PPP1R42: variants seen among roughly 807,000 people sequenced by gnomAD.
The protein encoded by PPP1R42 is leucine rich repeat containing 67.
In PPP1R42, 34 loss-of-function variants were observed where a neutral mutation model predicts 31.0. That is an observed-to-expected ratio of 1.10 (90% confidence interval 0.83 to 1.46). PPP1R42 has a LOEUF of 1.46. PPP1R42 is among the 40% of genes most tolerant of loss of function. The pLI, the probability that PPP1R42 is intolerant of heterozygous loss-of-function variation, is 0.00. For synonymous variants in PPP1R42, 103 were observed against 109.8 expected (o/e 0.94, Z 0.39); for missense variants, 268 against 303.0 (o/e 0.88, Z 0.86).
intron 7 of PPP1R42, among the ~76,000 whole-genome samples, chr8:66,974,079 T>G (rs1585962635): frequency 6.6e-6 from 1 of 152,168 alleles, no homozygotes; most frequent in African/African-American, 2.4e-5. Flanking sequence ...AAATCCTGAT[T>G]TCAATTCTTT....
chr8:66,978,601 A>C (rs1300777676), intron 7 of PPP1R42, among the ~76,000 whole-genome samples: 2 of 152,162 alleles, frequency 1.3e-5, no homozygotes, highest in African/African-American at 4.8e-5. Context: ...TATTGTCAGT[A>C]GAGACAGGGT....
intron 5 of PPP1R42, among the ~76,000 whole-genome samples, chr8:66,995,129 T>G (rs1815297880): frequency 1.3e-5 from 2 of 152,162 alleles, no homozygotes; most frequent in African/African-American, 4.8e-5. Flanking sequence ...GTCAGTAGCT[T>G]TTGGACAATG....
chr8:66,982,854 C>A (rs1204266814), intron 6 of PPP1R42, among the ~76,000 whole-genome samples: 2 of 152,130 alleles, frequency 1.3e-5, no homozygotes, highest in Non-Finnish European at 2.9e-5. Context: ...TAGCTCACTG[C>A]AACCTCAAAA....
intron 5 of PPP1R42, among the ~76,000 whole-genome samples, chr8:67,003,256 T>C (rs1273258672): frequency 6.6e-6 from 1 of 151,166 alleles, no homozygotes; most frequent in Non-Finnish European, 1.5e-5. Flanking sequence ...TTTCTGTTCA[T>C]GATTTCTTTA....
At chr8:67,014,275 T>G in intron 3 of PPP1R42, 151 bp downstream of exon 3, 1 of 430,070 alleles carries the variant, frequency 2.3e-6, no homozygotes, top group Non-Finnish European at 4.0e-6. Flanking sequence ...AATCATATGG[T>G]TTTTTTTCAT....
chr8:67,014,933 A>T (rs1387514175), intron 2 of PPP1R42, among the ~76,000 whole-genome samples: 9 of 152,196 alleles, frequency 5.9e-5, no homozygotes, highest in Admixed American at 4.6e-4. Context: ...ATAGGGTTTA[A>T]TATTTCTGTA....
intron 2 of PPP1R42, among the ~76,000 whole-genome samples, chr8:67,015,986 C>T (rs1358230992): frequency 6.6e-6 from 1 of 152,156 alleles, no homozygotes; most frequent in East Asian, 1.9e-4. Flanking sequence ...TGGAGGAGCA[C>T]TGATTGATGT....
intron 5 of PPP1R42, among the ~76,000 whole-genome samples, chr8:67,008,233 T>C (rs532789787): frequency 6.6e-6 from 1 of 152,268 alleles, no homozygotes; most frequent in Admixed American, 6.5e-5. Context: ...GATATGTACA[T>C]TTAGGAAAAA....
intron 5 of PPP1R42, among the ~76,000 whole-genome samples, chr8:67,001,927 A>T (rs1326966574): frequency 1.3e-5 from 2 of 152,234 alleles, no homozygotes; most frequent in Non-Finnish European, 2.9e-5. Context: ...ACACTACTGC[A>T]CTACAGACTG....
At chr8:66,964,395 G>A in intron 7 of PPP1R42, 61 bp from the exon 8 acceptor site, 1 of 868,768 alleles carries the variant, frequency 1.2e-6, no homozygotes, top group South Asian at 1.7e-5. Flanking sequence ...ATCCCTAAAA[G>A]GTAGCAAACA....
chr8:66,966,601 C>T (rs1438061564), intron 7 of PPP1R42, among the ~76,000 whole-genome samples: 2 of 151,960 alleles, frequency 1.3e-5, no homozygotes, highest in Admixed American at 6.6e-5. Context: ...CTGGCTAACA[C>T]GGTGAAATCC....
chr8:67,024,434 T>C (rs1312518312), intron 1 of PPP1R42, among the ~76,000 whole-genome samples: 1 of 151,160 alleles, frequency 6.6e-6, no homozygotes, highest in Admixed American at 6.6e-5. Flanking sequence ...CACCTCAGTC[T>C]CCCGAGTAGC....
chr8:67,010,093 T>C (rs551616937), intron 5 of PPP1R42, among the ~76,000 whole-genome samples: 1 of 152,240 alleles, frequency 6.6e-6, no homozygotes, highest in Non-Finnish European at 1.5e-5. Context: ...AAAAACAGTA[T>C]CATATTGTAG....
chr8:66,964,328 G>T lies in PPP1R42; in HGVS notation c.809C>A (p.Ser270Tyr). ...GCAAGCTTTCAGATTGCTTCAAAGA[G>T]AGATTCCTGTATTTATAGAGAGGGA... ...EDASNSLIRI[S>Y]L The change falls in exon 8 of 8, where the codon TCT (serine) becomes TAT (tyrosine). Residue 270 changes from serine (S) to tyrosine (Y), a missense_variant. Physicochemically the swap from Ser to Tyr is moderately radical, Grantham distance 144 (BLOSUM62 -2). Coordinates refer to ENST00000685739, the MANE Select transcript of PPP1R42 (RefSeq NM_001364910.1). 7.9e-7 allele frequency: 1 copy of T among 1,268,672 alleles called. No homozygotes were observed. The highest frequency in any genetic ancestry group is 1.0e-6 in the Non-Finnish European group (1 of 981,838). The allele number at this position is 1,268,672 out of a possible 1,614,324, so 78.6% of individuals were successfully genotyped here.
chr8:67,005,103 CTTT>C (rs766691539), intron 5 of PPP1R42, among the ~76,000 whole-genome samples: 3 of 120,812 alleles, frequency 2.5e-5, no homozygotes, highest in Admixed American at 8.4e-5. Context: ...AATCCACCCA[CTTT>C]TTTTTTTTTT....
chr8:66,989,984 G>T (rs376008235), intron 5 of PPP1R42, among the ~76,000 whole-genome samples: 1 of 152,194 alleles, frequency 6.6e-6, no homozygotes, highest in Non-Finnish European at 1.5e-5. Flanking sequence ...AACAGAGAGC[G>T]AAAACATTTT....
At chr8:67,002,827 A>T (rs113966568) in intron 5 of PPP1R42, among the ~76,000 whole-genome samples, 5,235 of 144,876 alleles carry the variant, frequency 0.036, 190 homozygotes, top group African/African-American at 0.085. Flanking sequence ...TGGCTAATCT[A>T]CTTTTAATCC....
At chr8:66,982,983 A>G (rs981754875) in intron 6 of PPP1R42, among the ~76,000 whole-genome samples, 5 of 150,380 alleles carry the variant, frequency 3.3e-5, no homozygotes, top group Non-Finnish European at 7.4e-5. Flanking sequence ...GGATCTCACT[A>G]TGTTGCCCAG....
intron 5 of PPP1R42, among the ~76,000 whole-genome samples, chr8:67,001,796 T>A (rs1363826408): frequency 1.3e-5 from 2 of 152,204 alleles, no homozygotes; most frequent in Non-Finnish European, 2.9e-5. Flanking sequence ...ATGGTTATTA[T>A]TTATTTTGCC....
Sources: gnomAD v4.1 joint callset for allele counts (sites outside exome capture counted in the v4.1 genomes callset) on GRCh38, gnomAD v4.1.1 for gene constraint, MANE v1.5 for transcripts, NCBI Gene and HGNC (gene_info 2026-07-23, HGNC 2026-07-21) for gene names.